LCT: variants seen among roughly 807,000 people sequenced by gnomAD.
LCT encodes the protein lactase.
LCT carries 90 observed loss-of-function variants against 173.0 expected under a neutral mutation model. That is an observed-to-expected ratio of 0.52 (90% CI 0.44 to 0.62). The LOEUF is 0.62. Ranked by LOEUF, LCT falls within the 20% of genes least tolerant of loss-of-function variation. LCT has a pLI of 0.00. For synonymous variants in LCT, 853 were observed against 957.6 expected (o/e 0.89, Z 2.02); for missense variants, 1,864 against 2,431.4 (o/e 0.77, Z 4.91).
chr2:135,802,568 G>A (rs928218233), intron 11 of LCT, among the ~76,000 whole-genome samples: 5 of 152,270 alleles, frequency 3.3e-5, no homozygotes, highest in East Asian at 1.9e-4. Context: ...TGACAACATC[G>A]CTGGAACTGG....
At chr2:135,789,523 C>T (rs1246650926) in intron 16 of LCT, 48 bp downstream of exon 16, 3 of 1,377,068 alleles carry the variant, frequency 2.2e-6, no homozygotes, top group South Asian at 1.2e-5. Flanking sequence ...GGCCCTTCCA[C>T]CTGCCCTTCA....
At chr2:135,821,890 T>C (rs1243710123) in intron 5 of LCT, 130 bp downstream of exon 5, 10 of 693,570 alleles carry the variant, frequency 1.4e-5, no homozygotes, top group Non-Finnish European at 1.8e-5. Context: ...TTCTCATCAA[T>C]TGAATGGCAA....
intron 1 of LCT, 97 bp downstream of exon 1, chr2:135,836,433 G>T (rs193111460): frequency 8.2e-6 from 9 of 1,091,052 alleles, no homozygotes; most frequent in African/African-American, 7.6e-5. Context: ...ACTGCTGAAG[G>T]TGAGTTGGGA....
chr2:135,829,730 CA>C, intron 2 of LCT, 54 bp from the exon 3 acceptor site: 1 of 1,185,092 alleles, frequency 8.4e-7, no homozygotes, highest in Non-Finnish European at 1.3e-6. Flanking sequence ...TCAAGACTAA[CA>C]GCCTCTCAGA....
intron 4 of LCT, 124 bp downstream of exon 4, chr2:135,823,777 G>A: frequency 1.4e-6 from 1 of 733,218 alleles, no homozygotes; most frequent in Non-Finnish European, 2.5e-6. Context: ...TCTGGGGTGG[G>A]CTTTTATACT....
intron 14 of LCT, among the ~76,000 whole-genome samples, chr2:135,792,545 G>A (rs902597588): frequency 6.6e-6 from 1 of 152,178 alleles, no homozygotes; most frequent in African/African-American, 2.4e-5. Context: ...CCTGCGCACT[G>A]TTGGCAGGGC....
rs1679412675 is a variant in LCT at position 135,836,849 on chromosome 2, C to G, written c.321G>C (p.Glu107Asp). The change falls in exon 1 of 17, where the codon GAG (glutamate) becomes GAC (aspartate). Residue 107 changes from glutamate to aspartate, a missense_variant. By Grantham distance (45) the Glu-to-Asp change is conservative. Around this residue, in one of 4 missense-constraint regions of LCT, gnomAD observed 412 missense variants for 462.0 expected, o/e 0.89. Transcript: ENST00000264162. ...GTCGCCGGTAGCACTGCACTGTTTT[C>G]TCGTCTGGATTCTGGGTGCTTCCTG... is the stretch of plus-strand genomic sequence containing the variant. ...LPAGSTQNPD[E>D]KTVQCYRRLL... 6.2e-7 allele frequency: 1 copy of G among 1,614,032 alleles called. No homozygotes were observed. Among genetic ancestry groups the G allele is most frequent in the Non-Finnish European group, 8.5e-7 (1 of 1,180,038 alleles).
Position 135,812,954 on chromosome 2 carries a change from C to T in LCT, c.1710G>A (p.Val570=), listed in dbSNP as rs1429605727. The T allele has an allele frequency of 6.2e-7, 1 of 1,613,902 alleles. No homozygotes were observed. Among genetic ancestry groups the T allele is most frequent in the Admixed American group, 1.7e-5 (1 of 59,970 alleles). The change falls in exon 7 of 17, where the codon GTG becomes GTA. Residue 570 remains valine (V), a splice_region_variant and synonymous_variant. Coordinates refer to ENST00000264162, the MANE Select transcript of LCT (RefSeq NM_002299.4). ...ISDPGVASFK[V]AHLVLKAHAR... is the part of the protein sequence containing the mutation. Reference sequence around the variant, plus strand: ...CATGAGCCTTGAGGACCAAGTGAGCCACCTTGTGAAAAAGTAAGAAGGAAA... The same window carrying T: ...CATGAGCCTTGAGGACCAAGTGAGCTACCTTGTGAAAAAGTAAGAAGGAAA...
intron 2 of LCT, among the ~76,000 whole-genome samples, chr2:135,831,912 T>C (rs1483037265): frequency 6.6e-6 from 1 of 152,196 alleles, no homozygotes; most frequent in Non-Finnish European, 1.5e-5. Flanking sequence ...TATTTTAATT[T>C]TTCTTTTAAA....
chr2:135,817,221 T>A, intron 6 of LCT, 120 bp downstream of exon 6: 1 of 1,234,030 alleles, frequency 8.1e-7, no homozygotes, highest in South Asian at 1.4e-5. Context: ...CTCCCCGATT[T>A]CCTTTAAAGA....
Position 135,790,716 on chromosome 2 carries a change from G to T in LCT, c.5277C>A (p.Asp1759Glu). 6.2e-7 allele frequency: 1 copy of T among 1,613,672 alleles called. No homozygotes were observed. Among genetic ancestry groups the T allele is most frequent in the East Asian group, 2.2e-5 (1 of 44,890 alleles). ...AGTAGATCCTTGCAGTGTCATTGAGGTCTGTTTCTTCCCGCTGGGACACTC... is the reference window on the plus strand; with the variant it reads ...AGTAGATCCTTGCAGTGTCATTGAGTTCTGTTTCTTCCCGCTGGGACACTC... ...ENGVSQREET[D>E]LNDTARIYYL... Residue 1759 changes from aspartate to glutamate, a missense_variant, in exon 15 of 17, where the codon GAC becomes GAA. Coordinates refer to ENST00000264162, the MANE Select transcript of LCT (RefSeq NM_002299.4). This position sits in a 1 kb window ranked among gnomAD's most constrained non-coding sequence, Gnocchi z 4.1.
At chr2:135,808,327 G>A in intron 8 of LCT, 116 bp downstream of exon 8, 2 of 876,358 alleles carry the variant, frequency 2.3e-6, no homozygotes, top group Admixed American at 1.7e-5. Flanking sequence ...TTATGGAGTT[G>A]GGACCTAAGA....
intron 2 of LCT, among the ~76,000 whole-genome samples, chr2:135,832,428 TA>T (rs2077948001): frequency 6.6e-6 from 1 of 150,514 alleles, no homozygotes; most frequent in Non-Finnish European, 1.5e-5. Flanking sequence ...ACCCTGTCTG[TA>T]AAAAAATAAA....
chr2:135,794,528 C>T, intron 14 of LCT, 113 bp downstream of exon 14: 2 of 1,136,432 alleles, frequency 1.8e-6, no homozygotes, highest in Non-Finnish European at 2.7e-6. Context: ...AACCCCGGCA[C>T]ATTCGGCGTT....
chr2:135,829,305 A>G (rs1558745730), intron 3 of LCT, among the ~76,000 whole-genome samples: 1 of 152,208 alleles, frequency 6.6e-6, no homozygotes, highest in Admixed American at 6.5e-5. Flanking sequence ...AAAACTCAGA[A>G]TGAACCCCAG....
chr2:135,814,821 AT>A (rs932790468), intron 6 of LCT, among the ~76,000 whole-genome samples: 2 of 152,034 alleles, frequency 1.3e-5, no homozygotes, highest in African/African-American at 2.4e-5. Flanking sequence ...GGCCCAAGAC[AT>A]TTTTTTCTTT....
At position 135,836,799 on chromosome 2, in the gene LCT, C is replaced by T. The variant is rs1444477651; in HGVS notation, c.371G>A (p.Arg124Gln). The T allele has an allele frequency of 1.7e-5, 28 of 1,614,174 alleles. No individual in the cohort carries two copies. The highest frequency in any genetic ancestry group is 2.3e-5 in the Non-Finnish European group (27 of 1,180,032). ...GTGCAGGATGACCATGGGCTGAAGCCGTGCAGTCTTGAGGGCCTTGAGGAG... is the reference window on the plus strand; with the variant it reads ...GTGCAGGATGACCATGGGCTGAAGCTGTGCAGTCTTGAGGGCCTTGAGGAG... Reference protein sequence around the residue: ...RRLLKALKTARLQPMVILHHQ... With the variant: ...RRLLKALKTAQLQPMVILHHQ... Residue 124 changes from arginine to glutamine, a missense_variant, in exon 1 of 17, where the codon CGG becomes CAG. This residue lies in a region of LCT where 412 missense variants were observed against 462.0 expected (regional missense o/e 0.89). Coordinates refer to ENST00000264162, the MANE Select transcript of LCT (RefSeq NM_002299.4).
intron 1 of LCT, among the ~76,000 whole-genome samples, chr2:135,835,477 T>C (rs1271159634): frequency 2.5e-5 from 2 of 81,350 alleles, no homozygotes; most frequent in Non-Finnish European, 4.9e-5. Flanking sequence ...AAGTAGAACA[T>C]AGAAGTATAT....
intron 14 of LCT, among the ~76,000 whole-genome samples, chr2:135,793,826 T>C (rs867333143): frequency 6.6e-6 from 1 of 152,128 alleles, no homozygotes. Flanking sequence ...CCCAGCACTT[T>C]GGGAGGCCAA....
Sources: gnomAD v4.1 joint callset for allele counts (sites outside exome capture counted in the v4.1 genomes callset) on GRCh38, gnomAD v4.1.1 for gene constraint, gnomAD v4.1.1 regional missense constraint, Gnocchi (gnomAD v3.1) non-coding constraint, MANE v1.5 for transcripts, NCBI Gene and HGNC (gene_info 2026-07-23, HGNC 2026-07-21) for gene names.